Variants in VPS13B observed in about 807,000 individuals in gnomAD.
The protein encoded by VPS13B is intermembrane lipid transfer protein VPS13B.
VPS13B carries 285 observed loss-of-function variants against 426.4 expected under a neutral mutation model. That is an observed-to-expected ratio of 0.67 (90% CI 0.61 to 0.74). VPS13B has a LOEUF of 0.74. Among genes scored for constraint, VPS13B ranks in the 30% least tolerant of loss-of-function variants. The probability of loss-of-function intolerance (pLI) is 0.00; values close to 1 mark genes in which losing one functional copy is unlikely to be tolerated. For missense variants in VPS13B, 4,537 were observed against 4,782.6 expected (o/e 0.95, Z 1.51); for synonymous variants, 1,676 against 1,676.4 (o/e 1.00, Z 0.01).
intron 3 of VPS13B, among the ~76,000 whole-genome samples, chr8:99,067,457 C>G (rs916351839): frequency 1.3e-5 from 2 of 152,074 alleles, no homozygotes; most frequent in African/African-American, 2.4e-5. Flanking sequence ...AACACTTGGA[C>G]ACAGGGCGGG....
chr8:99,254,064 C>T (rs1335765715), intron 17 of VPS13B, among the ~76,000 whole-genome samples: 1 of 152,150 alleles, frequency 6.6e-6, no homozygotes, highest in Non-Finnish European at 1.5e-5. Flanking sequence ...TTTGCTTCAA[C>T]ATGAAACATA....
At chr8:99,813,366 C>T (rs1284265961) in intron 44 of VPS13B, among the ~76,000 whole-genome samples, 1 of 152,170 alleles carries the variant, frequency 6.6e-6, no homozygotes, top group Non-Finnish European at 1.5e-5. Flanking sequence ...GCCAAATTCT[C>T]TTCTAAATCT....
chr8:99,084,004 A>G (rs1400339172), intron 3 of VPS13B, among the ~76,000 whole-genome samples: 5 of 151,758 alleles, frequency 3.3e-5, no homozygotes, highest in East Asian at 1.9e-4. Context: ...CTCTTTTTCT[A>G]TTGATTGGAA....
intron 19 of VPS13B, among the ~76,000 whole-genome samples, chr8:99,296,846 A>G (rs747490268): frequency 6.6e-6 from 1 of 152,208 alleles, no homozygotes; most frequent in Non-Finnish European, 1.5e-5. Flanking sequence ...ACCAGATAGT[A>G]AACCTGCAGG....
chr8:99,568,766 A>G (rs1266452759), intron 31 of VPS13B, among the ~76,000 whole-genome samples: 1 of 151,544 alleles, frequency 6.6e-6, no homozygotes, highest in African/African-American at 2.4e-5. Flanking sequence ...AGGAATAACT[A>G]CTGTAAGAGA....
In VPS13B at chr8:99,148,599, C is replaced by T. The variant is rs539142413; in HGVS notation, c.2013+589C>T. On this transcript the variant is annotated intron_variant, in intron 14 of 61. Transcript: ENST00000357162. ...AATGCCATAGACAATTACTTTATAT[C>T]TCTAAGCCCTGATTTTCTCTTCTCA... Among the ~76,000 whole-genome samples, 20 of 152,126 alleles carry T rather than the reference C, an allele frequency of 1.3e-4. 1 individual carries two copies. In the South Asian group the frequency reaches 4.1e-3, roughly 32 times the overall value.
At chr8:99,851,062 C>T (rs988122356) in intron 55 of VPS13B, among the ~76,000 whole-genome samples, 4 of 152,030 alleles carry the variant, frequency 2.6e-5, no homozygotes, top group Admixed American at 2.6e-4. Context: ...TTTCTTTGCC[C>T]AAAAGTGTTC....
chr8:99,636,308 T>G (rs1353302935), intron 33 of VPS13B, among the ~76,000 whole-genome samples: 1 of 152,014 alleles, frequency 6.6e-6, no homozygotes, highest in Non-Finnish European at 1.5e-5. Context: ...AAAGTATATT[T>G]TAACAGCATT....
At chr8:99,671,170 T>C (rs1288294576) in intron 35 of VPS13B, among the ~76,000 whole-genome samples, 1 of 152,212 alleles carries the variant, frequency 6.6e-6, no homozygotes, top group Non-Finnish European at 1.5e-5. Context: ...TTTTTGATAA[T>C]AGCCATTCTA....
At chr8:99,696,833 G>A in intron 35 of VPS13B, 1 of 1,160,268 alleles carries the variant, frequency 8.6e-7, no homozygotes, top group Non-Finnish European at 1.3e-6. Context: ...GCCGCAGCTG[G>A]TGGCGCCGTG....
Position 99,766,916 on chromosome 8 carries a change from C to T in VPS13B, c.7193C>T (p.Ser2398Leu). Residue 2398 changes from serine to leucine, a missense_variant, in exon 40 of 62, where the codon TCA becomes TTA. Ser to Leu is a moderately radical substitution (Grantham distance 145, BLOSUM62 -2). Transcript: ENST00000357162. ...LVNDQKKLVSSDLWRIVLNSS... is the reference protein window; with the variant it reads ...LVNDQKKLVSLDLWRIVLNSS... ...AATGACCAGAAGAAATTAGTATCTT[C>T]AGATCTTTGGAGAATTGTCTTGAAC... The T allele has an allele frequency of 6.2e-7, 1 of 1,613,938 alleles. No homozygotes were observed.
intron 33 of VPS13B, among the ~76,000 whole-genome samples, chr8:99,620,571 C>T (rs1317278998): frequency 6.6e-6 from 1 of 152,094 alleles, no homozygotes; most frequent in African/African-American, 2.4e-5. Context: ...GTGCCAAAGG[C>T]TCTGTGGTTA....
chr8:99,530,178 TA>T (rs1468567629), intron 30 of VPS13B, among the ~76,000 whole-genome samples: 1 of 152,244 alleles, frequency 6.6e-6, no homozygotes, highest in East Asian at 1.9e-4. Flanking sequence ...GAATCGCATC[TA>T]TTTTTTAATA....
intron 31 of VPS13B, among the ~76,000 whole-genome samples, chr8:99,570,566 TTTC>T (rs894881470): frequency 2.0e-5 from 3 of 152,050 alleles, no homozygotes; most frequent in Admixed American, 1.3e-4. Flanking sequence ...CCTTGCTTTT[TTTC>T]TTATGTTTTT....
intron 15 of VPS13B, among the ~76,000 whole-genome samples, chr8:99,160,607 C>T (rs917316326): frequency 5.6e-5 from 8 of 142,722 alleles, no homozygotes; most frequent in East Asian, 2.1e-4. Context: ...GCTGTGATGG[C>T]GCCACTGCAC....
At chr8:99,857,584 G>A (rs1396058936) in intron 56 of VPS13B, among the ~76,000 whole-genome samples, 1 of 152,156 alleles carries the variant, frequency 6.6e-6, no homozygotes, top group African/African-American at 2.4e-5. Context: ...GAAAACCTGG[G>A]TTGGAAACCC....
intron 15 of VPS13B, among the ~76,000 whole-genome samples, chr8:99,159,258 A>C (rs1011028305): frequency 6.6e-6 from 1 of 152,210 alleles, no homozygotes; most frequent in Non-Finnish European, 1.5e-5. Flanking sequence ...ATGGATGAGC[A>C]AAGAAAGTGA....
chr8:99,401,041 T>G (rs1304733122), intron 21 of VPS13B, among the ~76,000 whole-genome samples: 1 of 152,240 alleles, frequency 6.6e-6, no homozygotes, highest in Non-Finnish European at 1.5e-5. Flanking sequence ...AATTTTTAAT[T>G]AAGTTTATTC....
intron 17 of VPS13B, among the ~76,000 whole-genome samples, chr8:99,268,764 A>C (rs1340510655): frequency 2.0e-5 from 3 of 152,114 alleles, no homozygotes; most frequent in African/African-American, 7.2e-5. Flanking sequence ...TTGGAAGGGC[A>C]TGAGTGTTTT....
Sources: allele counts gnomAD v4.1 joint callset (sites outside exome capture counted in the v4.1 genomes callset), GRCh38; gene constraint gnomAD v4.1.1; transcripts MANE v1.5; gene names NCBI Gene and HGNC (gene_info 2026-07-23, HGNC 2026-07-21).